Variants in NEK1 observed in about 807,000 individuals in gnomAD.
NEK1 encodes serine/threonine-protein kinase Nek1.
In NEK1, 137 loss-of-function variants were observed where a neutral mutation model predicts 182.1. The ratio of observed to expected loss-of-function variants is 0.75; its 90% CI spans 0.65 to 0.87. The LOEUF is 0.87. Ranked by LOEUF, NEK1 falls within the 40% of genes least tolerant of loss-of-function variation. The pLI, the probability that NEK1 is intolerant of heterozygous loss-of-function variation, is 0.00. For missense variants in NEK1, 1,391 were observed against 1,494.4 expected, an observed-to-expected ratio of 0.93 and a Z score of 1.14; for synonymous variants, 513 against 492.2, an observed-to-expected ratio of 1.04 and a Z score of -0.56.
intron 5 of NEK1, among the ~76,000 whole-genome samples, chr4:169,598,400 G>T (rs1463399876): frequency 1.3e-5 from 2 of 151,862 alleles, no homozygotes; most frequent in African/African-American, 4.8e-5. Context: ...AAATATCACA[G>T]ATTAAAGTAG....
intron 27 of NEK1, among the ~76,000 whole-genome samples, chr4:169,447,098 A>G (rs78409013): frequency 0.014 from 2,137 of 152,294 alleles, 42 homozygotes; most frequent in African/African-American, 0.049. Flanking sequence ...AGGTTATAGA[A>G]CACCAAGCAG....
intron 8 of NEK1, 85 bp from the exon 9 acceptor site, chr4:169,587,698 T>C: frequency 1.3e-6 from 1 of 746,454 alleles, no homozygotes; most frequent in Non-Finnish European, 2.2e-6. Flanking sequence ...AAAAGTGTTT[T>C]GGAAAAATAT....
At chr4:169,529,320 G>C (rs1392449001) in intron 19 of NEK1, among the ~76,000 whole-genome samples, 2 of 151,884 alleles carry the variant, frequency 1.3e-5, no homozygotes, top group Admixed American at 1.3e-4. Context: ...GAGCAAAATA[G>C]AAATCAAGGA....
intron 26 of NEK1, among the ~76,000 whole-genome samples, chr4:169,468,256 T>C (rs1433172319): frequency 6.6e-6 from 1 of 151,986 alleles, no homozygotes; most frequent in African/African-American, 2.4e-5. Context: ...GTTTATATGA[T>C]ATTCTAGAAC....
chr4:169,397,076 G>T (rs28516825), intron 35 of NEK1, among the ~76,000 whole-genome samples: 60 of 152,116 alleles, frequency 3.9e-4, no homozygotes, highest in African/African-American at 1.3e-3. Flanking sequence ...ATACAAAAAT[G>T]AGTCAGGCAT....
At chr4:169,492,874 T>A (rs1270413395) in intron 23 of NEK1, among the ~76,000 whole-genome samples, 1 of 152,152 alleles carries the variant, frequency 6.6e-6, no homozygotes, top group Non-Finnish European at 1.5e-5. Context: ...ACAGGAAATG[T>A]GGGTGCAGCA....
rs116753248 is a variant in NEK1 at position 169,493,122 on chromosome 4, C to T, written c.2008-13588G>A. ...CTACTGGACTGCAGCCTGAATTACACCGCCAAGCAAAAACTACAAAAAACA... is the reference window on the plus strand; with the variant it reads ...CTACTGGACTGCAGCCTGAATTACATCGCCAAGCAAAAACTACAAAAAACA... On this transcript the variant is annotated intron_variant, in intron 23 of 35. Coordinates refer to ENST00000507142, the MANE Select transcript of NEK1 (RefSeq NM_001199397.3). Among the ~76,000 whole-genome samples the T allele has an allele frequency of 6.6e-4, 100 of 152,226 alleles. 1 individual carries two copies. Among genetic ancestry groups the T allele is most frequent in the African/African-American group, 2.4e-3 (98 of 41,538 alleles).
chr4:169,470,009 G>A (rs1745655133), intron 26 of NEK1, among the ~76,000 whole-genome samples: 2 of 147,328 alleles, frequency 1.4e-5, no homozygotes, highest in African/African-American at 2.5e-5. Flanking sequence ...TTTATTTTGA[G>A]CCTATGTGTG....
intron 26 of NEK1, among the ~76,000 whole-genome samples, chr4:169,471,831 G>T (rs1462476331): frequency 6.6e-6 from 1 of 152,142 alleles, no homozygotes; most frequent in African/African-American, 2.4e-5. Context: ...GCCCAGAGAG[G>T]AGGAATCTAG....
intron 4 of NEK1, among the ~76,000 whole-genome samples, chr4:169,599,781 GATGGGCACTGCCCC>G (rs772886053): frequency 2.6e-4 from 39 of 152,120 alleles, no homozygotes; most frequent in Non-Finnish European, 4.1e-4. Flanking sequence ...CAAACATGAA[GATGGGCACTGCCCC>G]ATCCACCTTT....
intron 28 of NEK1, among the ~76,000 whole-genome samples, chr4:169,434,585 T>C (rs893477865): frequency 6.6e-6 from 1 of 152,196 alleles, no homozygotes; most frequent in African/African-American, 2.4e-5. Flanking sequence ...GCTAATATTT[T>C]CCAAAAGTGA....
chr4:169,557,635 T>C (rs1422240368), intron 16 of NEK1, among the ~76,000 whole-genome samples: 1 of 151,882 alleles, frequency 6.6e-6, no homozygotes, highest in East Asian at 1.9e-4. Flanking sequence ...AATGCCTGGT[T>C]AAAAAAAGAA....
At chr4:169,610,141 A>G (rs917569378) in intron 2 of NEK1, among the ~76,000 whole-genome samples, 1 of 151,090 alleles carries the variant, frequency 6.6e-6, no homozygotes, top group East Asian at 1.9e-4. Flanking sequence ...AGCTGGGATT[A>G]CAGGAGTGTG....
At chr4:169,428,155 C>G (rs1736725451) in intron 29 of NEK1, among the ~76,000 whole-genome samples, 1 of 151,738 alleles carries the variant, frequency 6.6e-6, no homozygotes, top group East Asian at 1.9e-4. Flanking sequence ...AATATAATGT[C>G]CCTTGGTTCC....
At chr4:169,445,994 C>T (rs556781839) in intron 27 of NEK1, among the ~76,000 whole-genome samples, 28 of 151,744 alleles carry the variant, frequency 1.8e-4, no homozygotes, top group African/African-American at 6.3e-4. Context: ...ATACACATTG[C>T]ATGTTTCTGA....
Position 169,508,749 on chromosome 4 carries a change from C to A in NEK1, c.1749+20G>T. ...AAAAATGGCTATGTGATGGAGGTAG[C>A]GAACATGCGGGAAGCATACCTCTTC... On this transcript the variant is annotated intron_variant, in intron 20 of 35. Transcript: ENST00000507142. 6.5e-7 allele frequency: 1 copy of A among 1,533,114 alleles called. No homozygotes were observed. The highest frequency in any genetic ancestry group is 8.7e-7 in the Non-Finnish European group (1 of 1,144,118). 95.0% of individuals were successfully genotyped at this position (1,533,114 alleles called of 1,614,324 possible).
intron 12 of NEK1, among the ~76,000 whole-genome samples, chr4:169,569,751 C>T (rs1384271869): frequency 6.6e-6 from 1 of 150,978 alleles, no homozygotes; most frequent in Non-Finnish European, 1.5e-5. Flanking sequence ...GCCTCGGCCT[C>T]CCGAGGTGCC....
At chr4:169,570,444 T>C (rs1450376206) in intron 12 of NEK1, among the ~76,000 whole-genome samples, 160 of 142,332 alleles carry the variant, frequency 1.1e-3, no homozygotes, top group Non-Finnish European at 2.0e-3. Flanking sequence ...CCGCCCAGTC[T>C]GGGAGGGAGG....
Position 169,463,390 on chromosome 4 carries a change from T to TCCTATAAGAC in NEK1, c.2439_2440insGTCTTATAGG (p.Thr814ValfsTer3), listed in dbSNP as rs1352983988. On this transcript the variant is annotated stop_gained and frameshift_variant, in exon 27 of 36. Transcript: ENST00000507142. LOFTEE classifies it high-confidence loss of function. Reference sequence around the variant, plus strand: ...CCTAATTTAATAACTTCTCCCACTGTATGTCCTATAAGAAAAATATACAAA... The same window carrying TCCTATAAGAC: ...CCTAATTTAATAACTTCTCCCACTGTCCTATAAGACATGTCCTATAAGAAAAATATACAAA... 1 of 1,596,526 alleles carries TCCTATAAGAC rather than the reference T, an allele frequency of 6.3e-7. No homozygotes were observed. The highest frequency in any genetic ancestry group is 1.7e-5 in the Admixed American group (1 of 58,688).
Sources: gnomAD v4.1 joint callset for allele counts (sites outside exome capture counted in the v4.1 genomes callset) on GRCh38, gnomAD v4.1.1 for gene constraint, MANE v1.5 for transcripts, NCBI Gene and HGNC (gene_info 2026-07-23, HGNC 2026-07-21) for gene names.